Variants in PGM3 observed in about 807,000 individuals in gnomAD.
PGM3 encodes the protein phosphoacetylglucosamine mutase.
A neutral mutation model predicts 66.2 loss-of-function variants in PGM3; 40 were observed. That is an observed-to-expected ratio of 0.60 (90% CI 0.47 to 0.79). The LOEUF is 0.79. Ranked by LOEUF, PGM3 falls within the 30% of genes least tolerant of loss-of-function variation. PGM3 has a pLI of 0.00. For missense variants in PGM3, 537 were observed against 643.4 expected (o/e 0.83, Z 1.79); for synonymous variants, 191 against 224.2 (o/e 0.85, Z 1.32).
Position 83,168,406 on chromosome 6 carries a change from T to C in PGM3, c.*828A>G, listed in dbSNP as rs559420973. 745 of 1,224,118 alleles carry C rather than the reference T, an allele frequency of 6.1e-4. No individual in the cohort carries two copies. The highest frequency in any genetic ancestry group is 7.1e-4 in the Non-Finnish European group (701 of 981,110). 75.8% of individuals were successfully genotyped at this position (1,224,118 alleles called of 1,614,324 possible). A position where few individuals can be genotyped will look rare whatever the true frequency, so the allele number is the denominator to read the frequency against. ...GAGCTATATATATACACATGTAAAG[T>C]CCATTGTTTTTATTGTCCTGAGTTG... On this transcript the variant is annotated 3_prime_UTR_variant, in exon 13 of 13. Transcript: ENST00000513973.
intron 4 of PGM3, among the ~76,000 whole-genome samples, chr6:83,183,788 C>A (rs965519847): frequency 6.6e-6 from 1 of 151,956 alleles, no homozygotes; most frequent in African/African-American, 2.4e-5. Context: ...TGCAATGGCG[C>A]AATCTCAGCT....
In PGM3 at chr6:83,165,686, G is replaced by T; in HGVS notation, c.*3548C>A. On this transcript the variant is annotated 3_prime_UTR_variant, in exon 13 of 13. Transcript: ENST00000513973. The stretch of plus-strand genomic sequence containing the variant: ...TGCTGAGATGCCTAAAGAAGTGGTA[G>T]TTTGTTGGCAAGAGGTCAGGTGAAT... 1 of 216,738 alleles carries T rather than the reference G, an allele frequency of 4.6e-6. No individual in the cohort carries two copies. Among genetic ancestry groups the T allele is most frequent in the Non-Finnish European group, 9.8e-6 (1 of 101,896 alleles). 13.4% of individuals were successfully genotyped at this position (216,738 alleles called of 1,614,324 possible).
At chr6:83,155,799 C>A in the PGM3 span, 2 of 835,510 alleles carry the variant, frequency 2.4e-6, no homozygotes, top group Non-Finnish European at 3.6e-6. Flanking sequence ...GATCTGTTTG[C>A]CAGCCTGTCT....
chr6:83,170,736 T>C (rs1786909295), intron 11 of PGM3: 3 of 346,562 alleles, frequency 8.7e-6, no homozygotes, highest in South Asian at 1.0e-4. Context: ...GTAAATACGA[T>C]ATGACTAAGT....
intron 5 of PGM3, among the ~76,000 whole-genome samples, chr6:83,182,613 C>T (rs1398198966): frequency 6.6e-6 from 1 of 152,192 alleles, no homozygotes; most frequent in Admixed American, 6.5e-5. Flanking sequence ...ACCATGTTTG[C>T]TTCCCCAAAG....
intron 4 of PGM3, among the ~76,000 whole-genome samples, chr6:83,184,839 G>A (rs979603046): frequency 1.3e-5 from 2 of 152,102 alleles, no homozygotes; most frequent in Non-Finnish European, 1.5e-5. Context: ...GAGTCCCATT[G>A]CATCTGGAAT....
At chr6:83,191,992 T>C (rs1360110004) in intron 1 of PGM3, among the ~76,000 whole-genome samples, 1 of 98,428 alleles carries the variant, frequency 1.0e-5, no homozygotes, top group Non-Finnish European at 2.0e-5. Context: ...ACAGGCCAGG[T>C]GAGGTGGCTC....
chr6:83,191,112 T>A (rs1170949984), intron 1 of PGM3, 98 bp from the exon 2 acceptor site: 1 of 1,456,464 alleles, frequency 6.9e-7, no homozygotes, highest in East Asian at 2.4e-5. Flanking sequence ...GTCTGTCTCA[T>A]CCTGAACCTC....
At chr6:83,191,327 AAATG>A in intron 1 of PGM3, 1 of 1,138,874 alleles carries the variant, frequency 8.8e-7, no homozygotes. Context: ...CTCTCAACTA[AAATG>A]AAGATTTTAC....
rs1013925689 is a variant in PGM3 at position 83,166,147 on chromosome 6, TTTTA to T, written c.*3083_*3086del. ...AATGACACTTCAAAACAACGAATTT[TTTTA>T]TTTTTCACTCAGCTCATGAGGCACC... On this transcript the variant is annotated 3_prime_UTR_variant, in exon 13 of 13. Transcript: ENST00000513973. The T allele has an allele frequency of 6.4e-6, 3 of 467,580 alleles. No homozygotes were observed. Among genetic ancestry groups the T allele is most frequent in the African/African-American group, 3.9e-5 (2 of 51,004 alleles). 29.0% of individuals were successfully genotyped at this position (467,580 alleles called of 1,614,324 possible).
At chr6:83,155,480 A>G in the PGM3 span, among the ~76,000 whole-genome samples, 2 of 152,020 alleles carry the variant, frequency 1.3e-5, no homozygotes, top group Middle Eastern at 3.4e-3. Context: ...ATACAAATAA[A>G]TTGCAAAGGT....
At chr6:83,150,122 C>T in the PGM3 span, among the ~76,000 whole-genome samples, 1 of 152,174 alleles carries the variant, frequency 6.6e-6, no homozygotes, top group African/African-American at 2.4e-5. Flanking sequence ...TGCCTGCAAT[C>T]CCAGCACTTT....
At chr6:83,178,017 C>G (rs1057136410) in intron 8 of PGM3, among the ~76,000 whole-genome samples, 1 of 152,152 alleles carries the variant, frequency 6.6e-6, no homozygotes, top group African/African-American at 2.4e-5. Flanking sequence ...CTGCAAAACT[C>G]CATCACATTA....
intron 2 of PGM3, among the ~76,000 whole-genome samples, 173 bp from the exon 3 acceptor site, chr6:83,188,971 T>G (rs570271710): frequency 6.6e-5 from 10 of 152,326 alleles, no homozygotes; most frequent in African/African-American, 2.4e-4. Context: ...GTATATATAT[T>G]ACCTCATTAA....
chr6:83,167,883 T>TCAGGGAGAACATTGGGTTGGGAGC lies in PGM3; in HGVS notation c.*1327_*1350dup. On this transcript the variant is annotated 3_prime_UTR_variant, in exon 13 of 13. Coordinates refer to ENST00000513973, the MANE Select transcript of PGM3 (RefSeq NM_015599.3). ...GCAGAAAAATCCAGAGGAAGACAAC[T>TCAGGGAGAACATTGGGTTGGGAGC]CAGGGAGAACATTGGGTTGGGAGCC... 1.2e-6 allele frequency: 2 copies of TCAGGGAGAACATTGGGTTGGGAGC among 1,611,478 alleles called. No homozygotes were observed. Among genetic ancestry groups the TCAGGGAGAACATTGGGTTGGGAGC allele is most frequent in the Non-Finnish European group, 1.7e-6 (2 of 1,178,220 alleles).
Position 83,166,547 on chromosome 6 carries a change from T to C in PGM3, c.*2687A>G, listed in dbSNP as rs774120789. 70 of 639,662 alleles carry C rather than the reference T, an allele frequency of 1.1e-4. No homozygotes were observed. The South Asian group carries it at 1.3e-3, about 12-fold the overall frequency. 39.6% of individuals were successfully genotyped at this position (639,662 alleles called of 1,614,324 possible). On this transcript the variant is annotated 3_prime_UTR_variant, in exon 13 of 13. Coordinates refer to ENST00000513973, the MANE Select transcript of PGM3 (RefSeq NM_015599.3). Reference sequence around the variant, plus strand: ...AGTCTAAAATAAATATAAACAGCAATAAGTCATTAGCAAAAAAAAAGTGAG... The same window carrying C: ...AGTCTAAAATAAATATAAACAGCAACAAGTCATTAGCAAAAAAAAAGTGAG...
chr6:83,165,013 T>C lies in PGM3; in HGVS notation c.*4221A>G. ...TCCCTCTCTTAAAGGCTCATCTTGA[T>C]AGGAATAGAAACAAAAGGTTACCCC... On this transcript the variant is annotated 3_prime_UTR_variant, in exon 13 of 13. Transcript: ENST00000513973. The C allele has an allele frequency of 3.3e-6, 1 of 302,902 alleles. No individual in the cohort carries two copies. The highest frequency in any genetic ancestry group is 6.1e-6 in the Non-Finnish European group (1 of 165,002). The allele number at this position is 302,902 out of a possible 1,614,324, so 18.8% of individuals were successfully genotyped here. A position where few individuals can be genotyped will look rare whatever the true frequency, so the allele number is the denominator to read the frequency against.
At chr6:83,173,892 A>G (rs1300441252) in intron 10 of PGM3, among the ~76,000 whole-genome samples, 1 of 152,016 alleles carries the variant, frequency 6.6e-6, no homozygotes, top group Non-Finnish European at 1.5e-5. Flanking sequence ...GCCCGCCACC[A>G]TGCCCGGCTA....
chr6:83,159,510 C>A (rs763799181), downstream of PGM3, among the ~76,000 whole-genome samples: 13 of 151,828 alleles, frequency 8.6e-5, no homozygotes, highest in Non-Finnish European at 1.8e-4. Context: ...AGGCTGGTCT[C>A]AAATTCCTGG....
Sources: allele counts gnomAD v4.1 joint callset (sites outside exome capture counted in the v4.1 genomes callset), GRCh38; gene constraint gnomAD v4.1.1; transcripts MANE v1.5; gene names NCBI Gene and HGNC (gene_info 2026-07-23, HGNC 2026-07-21).